The following NAA15 variants were observed in gnomAD, a reference collection of about 807,000 sequenced individuals.
NAA15 encodes the protein N-alpha-acetyltransferase 15, NatA auxiliary subunit.
Under a neutral mutation model 114.0 loss-of-function variants are expected in NAA15, and 34 were observed. The ratio of observed to expected loss-of-function variants is 0.30; its 90% CI spans 0.23 to 0.40. The LOEUF is 0.40. Ranked by LOEUF, NAA15 falls within the 10% of genes least tolerant of loss-of-function variation. NAA15 has a pLI of 1.00. For missense variants in NAA15, 658 were observed against 1,004.5 expected (o/e 0.66, Z 4.66); for synonymous variants, 340 against 338.0 (o/e 1.01, Z -0.06).
chr4:139,391,231 C>G lies in NAA15; in HGVS notation c.*3147C>G, dbSNP rs964959647. 3 of 152,198 alleles carry G rather than the reference C, an allele frequency of 2.0e-5. No homozygotes were observed. Among genetic ancestry groups the G allele is most frequent in the African/African-American group, 7.2e-5 (3 of 41,448 alleles). The allele number at this position is 152,198 out of a possible 1,614,324, so 9.4% of individuals were successfully genotyped here. A position where few individuals can be genotyped will look rare whatever the true frequency, so the allele number is the denominator to read the frequency against. The stretch of plus-strand genomic sequence containing the variant: ...TTTCATGATACCATTCTGCTATCAT[C>G]TAAACTTTGCTGAACTCTACTGCCA... On this transcript the variant is annotated 3_prime_UTR_variant, in exon 20 of 20. Coordinates refer to ENST00000296543, the MANE Select transcript of NAA15 (RefSeq NM_057175.5).
intron 11 of NAA15, 80 bp from the exon 12 acceptor site, chr4:139,359,663 T>C (rs1748072568): frequency 3.6e-6 from 5 of 1,386,852 alleles, no homozygotes; most frequent in Non-Finnish European, 2.0e-6. Flanking sequence ...GTTTTTAAAT[T>C]ATTTATCAAC....
intron 11 of NAA15, 113 bp from the exon 12 acceptor site, chr4:139,359,630 C>T (rs1748071879): frequency 1.0e-6 from 1 of 995,164 alleles, no homozygotes; most frequent in South Asian, 1.7e-5. Context: ...CTAAGAGTCA[C>T]AAGAATGCCT....
rs1210686069 is a variant in NAA15 at position 139,390,385 on chromosome 4, C to G, written c.*2301C>G. Reference sequence around the variant, plus strand: ...CAGACATCACCCCTGAAACACTGTACTGTACTATCTTGCTCTGAGTAGTAT... The same window carrying G: ...CAGACATCACCCCTGAAACACTGTAGTGTACTATCTTGCTCTGAGTAGTAT... On this transcript the variant is annotated 3_prime_UTR_variant, in exon 20 of 20. Transcript: ENST00000296543. The G allele has an allele frequency of 6.6e-6, 1 of 152,608 alleles. No individual in the cohort carries two copies. The highest frequency in any genetic ancestry group is 1.5e-5 in the Non-Finnish European group (1 of 68,030). 9.5% of individuals were successfully genotyped at this position (152,608 alleles called of 1,614,324 possible).
chr4:139,310,289 C>T (rs1746175035), intron 1 of NAA15, among the ~76,000 whole-genome samples: 1 of 151,426 alleles, frequency 6.6e-6, no homozygotes, highest in East Asian at 2.0e-4. Flanking sequence ...CCTGTCTCTA[C>T]TAAAAATACA....
chr4:139,314,039 G>A (rs1396810526), intron 1 of NAA15, among the ~76,000 whole-genome samples: 1 of 151,886 alleles, frequency 6.6e-6, no homozygotes, highest in East Asian at 1.9e-4. Flanking sequence ...TGGTAGTACT[G>A]TTTTACATAT....
At chr4:139,384,254 A>G (rs1748830589) in intron 17 of NAA15, among the ~76,000 whole-genome samples, 2 of 152,184 alleles carry the variant, frequency 1.3e-5, no homozygotes, top group South Asian at 4.1e-4. Flanking sequence ...AGGTGAACAG[A>G]TCTCTTGAGC....
chr4:139,346,455 T>C (rs1747584690), intron 6 of NAA15, among the ~76,000 whole-genome samples: 1 of 151,996 alleles, frequency 6.6e-6, no homozygotes, highest in Non-Finnish European at 1.5e-5. Flanking sequence ...TTCAAGGCAG[T>C]GTTGCTGGTA....
chr4:139,320,053 A>G (rs965060457), intron 1 of NAA15, among the ~76,000 whole-genome samples: 1 of 152,210 alleles, frequency 6.6e-6, no homozygotes, highest in South Asian at 2.1e-4. Context: ...GCATTTTTAT[A>G]GCACTGAATA....
intron 1 of NAA15, among the ~76,000 whole-genome samples, chr4:139,322,457 A>G (rs575728140): frequency 6.6e-6 from 1 of 152,296 alleles, no homozygotes; most frequent in East Asian, 1.9e-4. Flanking sequence ...AAAATGGACT[A>G]ATACATGGGT....
intron 6 of NAA15, among the ~76,000 whole-genome samples, chr4:139,348,739 A>G (rs1284207028): frequency 3.3e-5 from 5 of 152,192 alleles, no homozygotes; most frequent in African/African-American, 1.2e-4. Flanking sequence ...GAGCAAATAA[A>G]CAGTTGGGAT....
chr4:139,384,774 CT>C (rs1384153683), intron 17 of NAA15, 57 bp from the exon 18 acceptor site: 1 of 1,170,170 alleles, frequency 8.5e-7, no homozygotes, highest in African/African-American at 1.6e-5. Flanking sequence ...CAAAAATAAA[CT>C]TTTGTAAACT....
chr4:139,382,564 T>G (rs951810068), intron 17 of NAA15, among the ~76,000 whole-genome samples: 6 of 152,182 alleles, frequency 3.9e-5, no homozygotes, highest in African/African-American at 1.4e-4. Flanking sequence ...ATGTAAATAA[T>G]TTTTATTGTA....
intron 11 of NAA15, 84 bp from the exon 12 acceptor site, chr4:139,359,659 A>C: frequency 3.7e-6 from 5 of 1,362,546 alleles, no homozygotes; most frequent in Non-Finnish European, 5.0e-6. Context: ...ATTTGTTTTT[A>C]AATTATTTAT....
chr4:139,361,055 C>T (rs567619355), intron 13 of NAA15, among the ~76,000 whole-genome samples: 2 of 152,244 alleles, frequency 1.3e-5, no homozygotes, highest in Non-Finnish European at 2.9e-5. Context: ...TAATTTCATG[C>T]TGTTTGATAA....
At chr4:139,378,052 G>T (rs1200832263) in intron 16 of NAA15, among the ~76,000 whole-genome samples, 1 of 152,156 alleles carries the variant, frequency 6.6e-6, no homozygotes, top group Non-Finnish European at 1.5e-5. Context: ...TTTAGTATTG[G>T]GGACAAGGGA....
intron 3 of NAA15, among the ~76,000 whole-genome samples, chr4:139,337,183 A>G (rs1747225949): frequency 6.6e-6 from 1 of 152,214 alleles, no homozygotes; most frequent in African/African-American, 2.4e-5. Context: ...AATATCTGTG[A>G]AAGCTTTTCT....
chr4:139,316,107 T>A (rs1247513915), intron 1 of NAA15, among the ~76,000 whole-genome samples: 1 of 151,910 alleles, frequency 6.6e-6, no homozygotes, highest in Non-Finnish European at 1.5e-5. Flanking sequence ...TGTTAAAGAT[T>A]TACAGATCTT....
chr4:139,362,131 A>T (rs1240097008), intron 14 of NAA15, among the ~76,000 whole-genome samples, 194 bp downstream of exon 14: 1 of 152,228 alleles, frequency 6.6e-6, no homozygotes, highest in Non-Finnish European at 1.5e-5. Flanking sequence ...ATTTGCAGTT[A>T]TTCATTGGCA....
chr4:139,331,378 C>A (rs971057152), intron 1 of NAA15, among the ~76,000 whole-genome samples: 21 of 152,028 alleles, frequency 1.4e-4, no homozygotes, highest in African/African-American at 4.1e-4. Flanking sequence ...CTTACTCATT[C>A]ACACATTTGC....
Sources: gnomAD v4.1 joint callset for allele counts (sites outside exome capture counted in the v4.1 genomes callset) on GRCh38, gnomAD v4.1.1 for gene constraint, MANE v1.5 for transcripts, NCBI Gene and HGNC (gene_info 2026-07-23, HGNC 2026-07-21) for gene names.